BMPR1B: variants seen among roughly 807,000 people sequenced by gnomAD.
BMPR1B encodes bone morphogenetic protein receptor type-1B.
BMPR1B carries 12 observed loss-of-function variants against 59.1 expected under a neutral mutation model. The observed-to-expected ratio is 0.20, with a 90% CI of 0.13 to 0.33. The LOEUF is 0.33. Among genes scored for constraint, BMPR1B ranks in the 10% least tolerant of loss-of-function variants. The pLI is 1.00. For synonymous variants in BMPR1B, 237 were observed against 207.3 expected, an observed-to-expected ratio of 1.14 and a Z score of -1.23; for missense variants, 550 against 610.9, an observed-to-expected ratio of 0.90 and a Z score of 1.05.
At chr4:94,985,474 G>A (rs1721337688) in intron 2 of BMPR1B, among the ~76,000 whole-genome samples, 1 of 151,130 alleles carries the variant, frequency 6.6e-6, no homozygotes, top group Non-Finnish European at 1.5e-5. Flanking sequence ...TAATGATACT[G>A]CCATTAACCA....
chr4:94,790,719 C>T (rs1204523685), intron 1 of BMPR1B, among the ~76,000 whole-genome samples: 2 of 152,132 alleles, frequency 1.3e-5, no homozygotes, highest in African/African-American at 2.4e-5. Context: ...ATCTTGGTAA[C>T]TTAAAAGAAA....
Position 95,012,153 on chromosome 4 carries a change from A to G in BMPR1B, c.-18+16019A>G, listed in dbSNP as rs1723269045. 3.3e-5 allele frequency among the ~76,000 whole-genome samples: 5 copies of G among 152,222 alleles called. No homozygotes were observed. In the South Asian group the frequency reaches 1.0e-3, roughly 32 times the overall value. On this transcript the variant is annotated intron_variant, in intron 3 of 12. Transcript: ENST00000515059. ...GAACTATTTTATAGATAAGTAGGAA[A>G]AATGGACATTGCTCTTTAATCATAA...
chr4:94,844,001 G>C (rs1028516532), intron 1 of BMPR1B, among the ~76,000 whole-genome samples: 11 of 24,748 alleles, frequency 4.4e-4, no homozygotes, highest in African/African-American at 1.9e-3. Flanking sequence ...TGGTCCCCAG[G>C]GGCTGGGGTA....
At chr4:94,866,665 A>G (rs1224453300) in intron 1 of BMPR1B, among the ~76,000 whole-genome samples, 1 of 151,464 alleles carries the variant, frequency 6.6e-6, no homozygotes, top group Non-Finnish European at 1.5e-5. Context: ...GCTTACTGCA[A>G]CCTCCGACTC....
rs1392402043 is a variant in BMPR1B, at chr4:95,155,056, A to G, written c.*383A>G. On this transcript the variant is annotated 3_prime_UTR_variant, in exon 13 of 13. Coordinates refer to ENST00000515059, the MANE Select transcript of BMPR1B (RefSeq NM_001203.3). ...TAGTATTATAGTTTAAATAATAACA[A>G]CAAAATTCTTCCCAGGAACTCTGCT... 5.4e-6 allele frequency: 1 copy of G among 184,880 alleles called. No homozygotes were observed. Among genetic ancestry groups the G allele is most frequent in the African/African-American group, 2.4e-5 (1 of 42,090 alleles). The allele number at this position is 184,880 out of a possible 1,614,324, so 11.5% of individuals were successfully genotyped here.
At chr4:95,145,721 T>G (rs1195295738) in intron 10 of BMPR1B, among the ~76,000 whole-genome samples, 1 of 152,230 alleles carries the variant, frequency 6.6e-6, no homozygotes, top group Non-Finnish European at 1.5e-5. Flanking sequence ...GGGGCAGAGC[T>G]AAATGTTTTG....
intron 11 of BMPR1B, among the ~76,000 whole-genome samples, chr4:95,152,438 T>G (rs1735111451): frequency 6.6e-6 from 1 of 152,174 alleles, no homozygotes. Context: ...ATGACAATAT[T>G]TTTCATTGGG....
chr4:94,887,424 C>CATTT (rs1727223330), intron 2 of BMPR1B, among the ~76,000 whole-genome samples: 1 of 50,784 alleles, frequency 2.0e-5, no homozygotes, highest in Admixed American at 2.1e-4. Flanking sequence ...AAAAAAAAAA[C>CATTT]AAGAAGCAGA....
intron 6 of BMPR1B, among the ~76,000 whole-genome samples, chr4:95,120,706 T>G (rs1732444587): frequency 7.0e-6 from 1 of 143,328 alleles, no homozygotes; most frequent in African/African-American, 2.8e-5. Flanking sequence ...TCTCTTTCTC[T>G]CTCTCTCTCT....
At chr4:94,948,529 T>C (rs964349167) in intron 2 of BMPR1B, among the ~76,000 whole-genome samples, 2 of 152,144 alleles carry the variant, frequency 1.3e-5, no homozygotes, top group Non-Finnish European at 2.9e-5. Flanking sequence ...CTCATTTGTA[T>C]AAAGGCTAAA....
At chr4:94,979,075 TACTC>T (rs1485918306) in intron 2 of BMPR1B, among the ~76,000 whole-genome samples, 7 of 152,100 alleles carry the variant, frequency 4.6e-5, no homozygotes, top group African/African-American at 9.7e-5. Context: ...TTCTTTGTCT[TACTC>T]ACTATCATGA....
chr4:94,917,037 G>A (rs1728510329), intron 2 of BMPR1B, among the ~76,000 whole-genome samples: 1 of 152,386 alleles, frequency 6.6e-6, no homozygotes, highest in East Asian at 1.9e-4. Flanking sequence ...AGCCTTGCCT[G>A]CTTCCATGTG....
intron 2 of BMPR1B, among the ~76,000 whole-genome samples, chr4:94,955,612 T>G (rs1283141329): frequency 1.3e-5 from 2 of 150,912 alleles, no homozygotes; most frequent in East Asian, 3.9e-4. Flanking sequence ...TTCCTCATGC[T>G]TTACACGTAT....
intron 4 of BMPR1B, among the ~76,000 whole-genome samples, chr4:95,109,132 G>C (rs1451023684): frequency 3.3e-5 from 5 of 151,820 alleles, no homozygotes; most frequent in Admixed American, 6.6e-5. Flanking sequence ...ACTTCCTCAC[G>C]CATGTTATGC....
intron 1 of BMPR1B, among the ~76,000 whole-genome samples, chr4:94,825,497 C>T (rs1724351351): frequency 6.6e-6 from 1 of 151,940 alleles, no homozygotes; most frequent in Admixed American, 6.6e-5. Flanking sequence ...AGAGTGAGAC[C>T]CTGTCTCAAA....
chr4:94,795,034 T>C lies in BMPR1B; in HGVS notation c.-183+36966T>C, dbSNP rs1234658235. 4.3e-5 allele frequency among the ~76,000 whole-genome samples: 6 copies of C among 140,820 alleles called. No homozygotes were observed. The East Asian group carries it at 1.0e-3, about 24-fold the overall frequency. The allele number at this position is 140,820 out of a possible 152,430, so 92.4% of individuals were successfully genotyped here. On this transcript the variant is annotated intron_variant, in intron 1 of 12. Transcript: ENST00000515059. ...ATTTCCTTCTCCTGCCTAATTGCCC[T>C]GGCCAGAACTTCCAACACTATGTTG...
chr4:94,831,869 T>C (rs1229560709), intron 1 of BMPR1B, among the ~76,000 whole-genome samples: 1 of 152,148 alleles, frequency 6.6e-6, no homozygotes, highest in South Asian at 2.1e-4. Context: ...TTGCGAACCC[T>C]ACTGTGAACA....
intron 2 of BMPR1B, among the ~76,000 whole-genome samples, chr4:94,985,925 T>A (rs1721376736): frequency 6.6e-6 from 1 of 152,124 alleles, no homozygotes; most frequent in African/African-American, 2.4e-5. Flanking sequence ...CTGTTAGGAG[T>A]TGGACCGTAA....
At chr4:94,949,410 G>A (rs1301348236) in intron 2 of BMPR1B, among the ~76,000 whole-genome samples, 1 of 101,976 alleles carries the variant, frequency 9.8e-6, no homozygotes, top group Admixed American at 9.2e-5. Context: ...TCTGCTTCCC[G>A]GGTTCACGCC....
Sources: allele counts gnomAD v4.1 joint callset (sites outside exome capture counted in the v4.1 genomes callset), GRCh38; gene constraint gnomAD v4.1.1; transcripts MANE v1.5; gene names NCBI Gene and HGNC (gene_info 2026-07-23, HGNC 2026-07-21).